PCDHA12: variants seen among roughly 807,000 people sequenced by gnomAD.
PCDHA12 encodes protocadherin alpha 12.
Under a neutral mutation model 60.0 loss-of-function variants are expected in PCDHA12, and 44 were observed. That is an observed-to-expected ratio of 0.73 (90% CI 0.58 to 0.94). The LOEUF is 0.94. PCDHA12 is among the 40% of genes least tolerant of loss of function. PCDHA12 has a pLI of 0.00. For synonymous variants in PCDHA12, 569 were observed against 553.0 expected, an observed-to-expected ratio of 1.03 and a Z score of -0.40; for missense variants, 1,276 against 1,239.7, an observed-to-expected ratio of 1.03 and a Z score of -0.44.
At chr5:140,990,893 T>C (rs1554251806) in intron 3 of PCDHA12, among the ~76,000 whole-genome samples, 1 of 152,178 alleles carries the variant, frequency 6.6e-6, no homozygotes, top group East Asian at 1.9e-4. Context: ...GAGTGGGTCG[T>C]TGCTGGGTCA....
intron 1 of PCDHA12, among the ~76,000 whole-genome samples, chr5:140,941,848 G>A (rs2093183003): frequency 6.6e-6 from 1 of 152,142 alleles, no homozygotes; most frequent in South Asian, 2.1e-4. Flanking sequence ...GCCATTACCT[G>A]ATATTCCCTA....
chr5:140,966,075 T>C (rs1164431515), intron 1 of PCDHA12: 1 of 153,402 alleles, frequency 6.5e-6, no homozygotes, highest in Non-Finnish European at 1.4e-5. Context: ...CCCTGCGTTG[T>C]TTCCTTTTAA....
In PCDHA12 at chr5:141,011,437, GA is replaced by G. The variant is rs1196462702; in HGVS notation, c.*1501del. The G allele has an allele frequency of 2.6e-5, 4 of 153,726 alleles. No homozygotes were observed. Among genetic ancestry groups the G allele is most frequent in the African/African-American group, 9.7e-5 (4 of 41,440 alleles). 9.5% of individuals were successfully genotyped at this position (153,726 alleles called of 1,614,324 possible). ...TGAATGTTAATGCAACTATTACCTA[GA>G]GTGAACTTTAAGCTTTATTGTTGAA... is the stretch of plus-strand genomic sequence containing the variant. On this transcript the variant is annotated 3_prime_UTR_variant, in exon 4 of 4. Transcript: ENST00000398631.
At chr5:140,931,783 T>A (rs2087751344) in intron 1 of PCDHA12, among the ~76,000 whole-genome samples, 1 of 151,996 alleles carries the variant, frequency 6.6e-6, no homozygotes, top group African/African-American at 2.4e-5. Context: ...TTCAATTACC[T>A]ATTGATCTGA....
intron 3 of PCDHA12, 125 bp downstream of exon 3, chr5:140,982,688 A>G: frequency 6.4e-6 from 9 of 1,415,764 alleles, no homozygotes; most frequent in African/African-American, 1.4e-5. Flanking sequence ...CCTTTTTTCC[A>G]TACATACATG....
intron 1 of PCDHA12, among the ~76,000 whole-genome samples, chr5:140,971,604 A>G (rs2096487974): frequency 6.6e-6 from 1 of 152,160 alleles, no homozygotes; most frequent in Admixed American, 6.5e-5. Flanking sequence ...TACAGATGGC[A>G]GGAGAGTCCT....
chr5:140,884,352 A>C, intron 1 of PCDHA12: 1 of 1,613,828 alleles, frequency 6.2e-7, no homozygotes, highest in African/African-American at 1.3e-5. Context: ...GCGCTGGTGG[A>C]TGTCAATGTT....
chr5:140,979,241 G>A (rs766062040), intron 2 of PCDHA12, among the ~76,000 whole-genome samples: 4 of 152,150 alleles, frequency 2.6e-5, no homozygotes, highest in Non-Finnish European at 5.9e-5. Context: ...CACAGAAACA[G>A]GCTGCTATGT....
intron 3 of PCDHA12, among the ~76,000 whole-genome samples, chr5:140,987,130 C>G (rs1220504537): frequency 6.6e-6 from 1 of 151,648 alleles, no homozygotes; most frequent in East Asian, 1.9e-4. Context: ...AGGAGAATTG[C>G]TTGAACTCGG....
In PCDHA12 at chr5:141,011,549, GA is replaced by G. The variant is rs2098421039; in HGVS notation, c.*1615del. Reference sequence around the variant, plus strand: ...CCATTGTTAATCAGCTTTTGTGTATGAAAGACACAGTAAAATTTCTTTCTTA... The same window carrying G: ...CCATTGTTAATCAGCTTTTGTGTATGAAGACACAGTAAAATTTCTTTCTTA... On this transcript the variant is annotated 3_prime_UTR_variant, in exon 4 of 4. Coordinates refer to ENST00000398631, the MANE Select transcript of PCDHA12 (RefSeq NM_018903.4). 1 of 153,674 alleles carries G rather than the reference GA, an allele frequency of 6.5e-6. No individual in the cohort carries two copies. Among genetic ancestry groups the G allele is most frequent in the Non-Finnish European group, 1.5e-5 (1 of 68,008 alleles). The allele number at this position is 153,674 out of a possible 1,614,324, so 9.5% of individuals were successfully genotyped here. A position where few individuals can be genotyped will look rare whatever the true frequency, so the allele number is the denominator to read the frequency against.
chr5:140,965,238 A>G (rs540671197), intron 1 of PCDHA12, among the ~76,000 whole-genome samples: 3 of 152,196 alleles, frequency 2.0e-5, no homozygotes, highest in Non-Finnish European at 2.9e-5. Context: ...ACCTGGGAAG[A>G]GTGAATATTC....
intron 1 of PCDHA12, among the ~76,000 whole-genome samples, chr5:140,917,537 A>G (rs1433498846): frequency 2.0e-5 from 3 of 152,222 alleles, no homozygotes; most frequent in Middle Eastern, 3.2e-3. Flanking sequence ...GTATAGTTTT[A>G]GGTTTTACAT....
intron 1 of PCDHA12, among the ~76,000 whole-genome samples, chr5:140,969,673 G>A (rs1226601717): frequency 3.3e-5 from 5 of 152,170 alleles, no homozygotes; most frequent in African/African-American, 9.7e-5. Flanking sequence ...AATGTTATGA[G>A]ACTCAAGGAG....
chr5:140,899,664 G>T (rs1263525075), intron 1 of PCDHA12, among the ~76,000 whole-genome samples: 17 of 152,124 alleles, frequency 1.1e-4, no homozygotes, highest in Admixed American at 1.0e-3. Flanking sequence ...GTCTCTGCCC[G>T]GCTTTGGTAT....
rs782079089 is a variant in PCDHA12, at chr5:141,009,663, C to T, written c.2552C>T (p.Ala851Val). 4 of 1,614,034 alleles carry T rather than the reference C, an allele frequency of 2.5e-6. No individual in the cohort carries two copies. Among genetic ancestry groups the T allele is most frequent in the East Asian group, 2.2e-5 (1 of 44,876 alleles). ...GGAGAAGTGTCCCCTCCAGTCGGTG[C>T]GGGTGTCAACAGCAACAGCTGGACC... Reference protein sequence around the residue: ...EAGEVSPPVGAGVNSNSWTFK... With the variant: ...EAGEVSPPVGVGVNSNSWTFK... Residue 851 changes from alanine to valine, a missense_variant, in exon 4 of 4, where the codon GCG (alanine) becomes GTG (valine). Transcript: ENST00000398631.
intron 1 of PCDHA12, among the ~76,000 whole-genome samples, chr5:140,899,719 C>A (rs2067514429): frequency 6.6e-6 from 1 of 152,198 alleles, no homozygotes; most frequent in Non-Finnish European, 1.5e-5. Flanking sequence ...AGGATTCCCT[C>A]TTTTTCTATT....
At position 140,876,188 on chromosome 5, in the gene PCDHA12, G is replaced by T; in HGVS notation, c.716G>T (p.Gly239Val). 6.2e-7 allele frequency: 1 copy of T among 1,613,944 alleles called. No individual in the cohort carries two copies. Among genetic ancestry groups the T allele is most frequent in the South Asian group, 1.1e-5 (1 of 91,080 alleles). Residue 239 changes from glycine (G) to valine (V), a missense_variant, in exon 1 of 4, where the codon GGT (glycine) becomes GTT (valine). By Grantham distance (109) the Gly-to-Val change is moderately radical. Coordinates refer to ENST00000398631, the MANE Select transcript of PCDHA12 (RefSeq NM_018903.4). Reference sequence around the variant, plus strand: ...ACCGTCCTGGATGTGAATGACAATGGTCCGGCGTTTGATAAGCCCAGCTAT... The same window carrying T: ...ACCGTCCTGGATGTGAATGACAATGTTCCGGCGTTTGATAAGCCCAGCTAT... ...QITVLDVNDN[G>V]PAFDKPSYKV... is the part of the protein sequence containing the mutation.
At position 140,999,623 on chromosome 5, in the gene PCDHA12, A is replaced by G. The variant is rs188539860; in HGVS notation, c.2516-10004A>G. ...CCTGGGGGACCTTATCAACCAGGAAACAAGGTAGAGAAAACTGTGCAGCCT... is the reference window on the plus strand; with the variant it reads ...CCTGGGGGACCTTATCAACCAGGAAGCAAGGTAGAGAAAACTGTGCAGCCT... On this transcript the variant is annotated intron_variant, in intron 3 of 3. Transcript: ENST00000398631. Among the ~76,000 whole-genome samples the G allele has an allele frequency of 1.3e-4, 20 of 152,330 alleles. No individual in the cohort carries two copies. In the East Asian group the frequency reaches 3.9e-3, roughly 29 times the overall value.
intron 1 of PCDHA12, among the ~76,000 whole-genome samples, chr5:140,955,335 A>G (rs538609650): frequency 6.6e-6 from 1 of 152,266 alleles, no homozygotes; most frequent in South Asian, 2.1e-4. Flanking sequence ...AGTTCCCATA[A>G]TCCCCACATG....
Sources: allele counts gnomAD v4.1 joint callset (sites outside exome capture counted in the v4.1 genomes callset), GRCh38; gene constraint gnomAD v4.1.1; transcripts MANE v1.5; gene names NCBI Gene and HGNC (gene_info 2026-07-23, HGNC 2026-07-21).